Variants in CNTNAP5 observed in about 807,000 individuals in gnomAD.
CNTNAP5 encodes contactin associated protein family member 5.
A neutral mutation model predicts 150.2 loss-of-function variants in CNTNAP5; 72 were observed. The ratio of observed to expected loss-of-function variants is 0.48; its 90% confidence interval spans 0.40 to 0.58. CNTNAP5 has a LOEUF of 0.58. CNTNAP5 is among the 20% of genes least tolerant of loss of function. The pLI is 0.00. For synonymous variants in CNTNAP5, 672 were observed against 619.8 expected (o/e 1.08, Z -1.25); for missense variants, 1,636 against 1,626.2 (o/e 1.01, Z -0.10).
chr2:124,661,400 C>G (rs989279023), intron 13 of CNTNAP5, among the ~76,000 whole-genome samples: 1 of 151,940 alleles, frequency 6.6e-6, no homozygotes, highest in Non-Finnish European at 1.5e-5. Flanking sequence ...ACATACTAAA[C>G]TGGGCCCGCA....
At chr2:124,354,680 C>T (rs1049963076) in intron 3 of CNTNAP5, among the ~76,000 whole-genome samples, 2 of 152,154 alleles carry the variant, frequency 1.3e-5, no homozygotes, top group Admixed American at 1.3e-4. Context: ...TCTTATGAAA[C>T]ACGTATTTCC....
At chr2:124,250,800 AT>A (rs1054143650) in intron 3 of CNTNAP5, among the ~76,000 whole-genome samples, 30 of 146,890 alleles carry the variant, frequency 2.0e-4, no homozygotes, top group East Asian at 6.0e-4. Context: ...TCTCTCAAGT[AT>A]TTTTTTTTTA....
intron 1 of CNTNAP5, among the ~76,000 whole-genome samples, chr2:124,137,790 G>A (rs940659138): frequency 2.6e-5 from 4 of 152,020 alleles, no homozygotes; most frequent in Non-Finnish European, 4.4e-5. Flanking sequence ...TGGAGAAGTC[G>A]GTGGTCGCTG....
intron 7 of CNTNAP5, among the ~76,000 whole-genome samples, chr2:124,475,944 A>C (rs1380304278): frequency 6.6e-6 from 1 of 151,842 alleles, no homozygotes; most frequent in Non-Finnish European, 1.5e-5. Flanking sequence ...GTTTTTAAAA[A>C]TTCTCTATTT....
intron 12 of CNTNAP5, among the ~76,000 whole-genome samples, chr2:124,611,776 T>G (rs13421064): frequency 0.038 from 5,713 of 152,310 alleles, 145 homozygotes; most frequent in African/African-American, 0.071. Flanking sequence ...AAATGCCCAC[T>G]GCTGAGTGGC....
chr2:124,147,783 G>T (rs1446694500), intron 1 of CNTNAP5, among the ~76,000 whole-genome samples: 1 of 152,156 alleles, frequency 6.6e-6, no homozygotes. Context: ...GGGCATAGAG[G>T]CTTGGGCTCG....
intron 3 of CNTNAP5, among the ~76,000 whole-genome samples, chr2:124,263,009 A>G (rs1430829282): frequency 6.6e-6 from 1 of 152,148 alleles, no homozygotes; most frequent in African/African-American, 2.4e-5. Context: ...ATAGTATTCC[A>G]TGGTGTATAT....
intron 13 of CNTNAP5, among the ~76,000 whole-genome samples, chr2:124,654,998 T>G (rs185754732): frequency 1.2e-3 from 190 of 152,062 alleles, no homozygotes; most frequent in African/African-American, 4.3e-3. Flanking sequence ...TTATTATACT[T>G]TAGGTTCTGG....
At chr2:124,139,545 G>A (rs1003693367) in intron 1 of CNTNAP5, among the ~76,000 whole-genome samples, 4 of 152,068 alleles carry the variant, frequency 2.6e-5, no homozygotes, top group Admixed American at 6.5e-5. Flanking sequence ...AGAGTCTCGG[G>A]AAAGAGGACT....
At chr2:124,321,176 G>A (rs1259909434) in intron 3 of CNTNAP5, among the ~76,000 whole-genome samples, 1 of 152,074 alleles carries the variant, frequency 6.6e-6, no homozygotes, top group Non-Finnish European at 1.5e-5. Flanking sequence ...GGCTGGGCGC[G>A]GTGGCCTGTA....
At chr2:124,499,278 G>C (rs1055490026) in intron 7 of CNTNAP5, among the ~76,000 whole-genome samples, 2 of 151,898 alleles carry the variant, frequency 1.3e-5, no homozygotes. Context: ...GGCATGGGCA[G>C]TTATCAAAAA....
chr2:124,160,757 A>C (rs945666628), intron 1 of CNTNAP5, among the ~76,000 whole-genome samples: 1 of 152,186 alleles, frequency 6.6e-6, no homozygotes, highest in African/African-American at 2.4e-5. Flanking sequence ...TGCACAAGCA[A>C]ACCCTGTGTT....
chr2:124,153,407 G>C (rs1293210071), intron 1 of CNTNAP5, among the ~76,000 whole-genome samples: 1 of 152,056 alleles, frequency 6.6e-6, no homozygotes, highest in Non-Finnish European at 1.5e-5. Flanking sequence ...GTCAGCTCAG[G>C]CTGCTATGAA....
intron 3 of CNTNAP5, among the ~76,000 whole-genome samples, chr2:124,303,762 A>G (rs1014310810): frequency 3.3e-5 from 5 of 152,194 alleles, no homozygotes; most frequent in African/African-American, 1.2e-4. Flanking sequence ...ACTGGGCACC[A>G]TGGCTCACAT....
chr2:124,200,640 A>G (rs977613582), intron 1 of CNTNAP5, among the ~76,000 whole-genome samples: 2 of 152,200 alleles, frequency 1.3e-5, no homozygotes, highest in African/African-American at 4.8e-5. Context: ...AAACTTACTC[A>G]TATTGTTTCA....
intron 22 of CNTNAP5, among the ~76,000 whole-genome samples, chr2:124,909,228 A>G (rs1678604012): frequency 6.6e-6 from 1 of 152,044 alleles, no homozygotes; most frequent in Non-Finnish European, 1.5e-5. Context: ...TAAATCTCAT[A>G]TTTTTACTCT....
chr2:124,118,732 C>T (rs989878132), intron 1 of CNTNAP5, among the ~76,000 whole-genome samples: 6 of 152,114 alleles, frequency 3.9e-5, no homozygotes, highest in Non-Finnish European at 5.9e-5. Flanking sequence ...CCAACATTTG[C>T]GAAGGCCCTC....
intron 1 of CNTNAP5, among the ~76,000 whole-genome samples, chr2:124,095,926 T>G (rs1373186952): frequency 6.6e-6 from 1 of 152,198 alleles, no homozygotes; most frequent in African/African-American, 2.4e-5. Flanking sequence ...GATGAATAAG[T>G]TGAGGCTTAG....
intron 3 of CNTNAP5, among the ~76,000 whole-genome samples, chr2:124,381,532 AC>A (rs562851139): frequency 3.3e-5 from 5 of 150,154 alleles, no homozygotes; most frequent in African/African-American, 9.8e-5. Context: ...TGATAGGATC[AC>A]CCCCCCCTCC....
Sources: gnomAD v4.1 joint callset for allele counts (sites outside exome capture counted in the v4.1 genomes callset) on GRCh38, gnomAD v4.1.1 for gene constraint, MANE v1.5 for transcripts, NCBI Gene and HGNC (gene_info 2026-07-23, HGNC 2026-07-21) for gene names.